The following DCDC1 variants were observed in gnomAD, a reference collection of about 807,000 sequenced individuals.
DCDC1 encodes the protein doublecortin domain containing 1.
DCDC1 carries 200 observed loss-of-function variants against 178.3 expected under a neutral mutation model. That is an observed-to-expected ratio of 1.12 (90% CI 1.00 to 1.26). DCDC1 has a LOEUF of 1.26. Among genes scored for constraint, DCDC1 ranks in the 50% most tolerant of loss-of-function variants. The pLI is 0.00. For missense variants in DCDC1, 1,983 were observed against 1,749.2 expected (o/e 1.13, Z -2.38); for synonymous variants, 690 against 604.8 (o/e 1.14, Z -2.07).
At chr11:31,213,287 T>C (rs1042781460) in intron 9 of DCDC1, among the ~76,000 whole-genome samples, 2 of 151,650 alleles carry the variant, frequency 1.3e-5, no homozygotes, top group Non-Finnish European at 1.5e-5. Context: ...GTCAAAATGA[T>C]CTTTTCAAAT....
At chr11:31,263,019 G>C in intron 8 of DCDC1, 1 of 1,609,168 alleles carries the variant, frequency 6.2e-7, no homozygotes, top group Non-Finnish European at 8.5e-7. Flanking sequence ...CACGAGTCAT[G>C]AATCCGAATG....
chr11:30,873,511 T>G (rs1941831608), intron 38 of DCDC1, among the ~76,000 whole-genome samples: 2 of 152,088 alleles, frequency 1.3e-5, no homozygotes, highest in Non-Finnish European at 2.9e-5. Flanking sequence ...TGGATTTCAT[T>G]GGTCTGGCAA....
chr11:31,346,248 T>C (rs1950804480), intron 1 of DCDC1, among the ~76,000 whole-genome samples: 1 of 151,738 alleles, frequency 6.6e-6, no homozygotes, highest in East Asian at 1.9e-4. Flanking sequence ...GATCACAAGG[T>C]CAGGAGTTCG....
intron 20 of DCDC1, among the ~76,000 whole-genome samples, chr11:30,986,334 C>CTTTTTTT (rs201419551): frequency 7.0e-6 from 1 of 142,738 alleles, no homozygotes. Flanking sequence ...TTTTCTCTCT[C>CTTTTTTT]TCTTTTTTTT....
intron 38 of DCDC1, among the ~76,000 whole-genome samples, chr11:30,876,169 G>C (rs972273511): frequency 1.3e-5 from 2 of 152,148 alleles, no homozygotes; most frequent in Non-Finnish European, 2.9e-5. Context: ...GGTTGCTTTA[G>C]TATTTAATAA....
At chr11:31,079,614 T>A (rs1957062938) in intron 17 of DCDC1, among the ~76,000 whole-genome samples, 1 of 152,106 alleles carries the variant, frequency 6.6e-6, no homozygotes, top group Admixed American at 6.5e-5. Flanking sequence ...TAATGCTAAC[T>A]CCTGGTAGAT....
At chr11:31,188,792 G>A (rs1024513576) in intron 9 of DCDC1, among the ~76,000 whole-genome samples, 8 of 152,130 alleles carry the variant, frequency 5.3e-5, no homozygotes, top group African/African-American at 1.7e-4. Flanking sequence ...ACCATTCAAG[G>A]CAAGATGAGT....
chr11:31,128,846 G>A (rs1288907049), intron 10 of DCDC1, among the ~76,000 whole-genome samples: 1 of 152,114 alleles, frequency 6.6e-6, no homozygotes, highest in Non-Finnish European at 1.5e-5. Flanking sequence ...TGAAATCTAG[G>A]TGTTTTCTGC....
chr11:31,163,053 T>C (rs1966453729), intron 9 of DCDC1, among the ~76,000 whole-genome samples: 1 of 152,160 alleles, frequency 6.6e-6, no homozygotes, highest in Non-Finnish European at 1.5e-5. Context: ...AATGTTCCGA[T>C]GTCTTTACTT....
At chr11:31,001,283 A>T (rs990321989) in intron 20 of DCDC1, among the ~76,000 whole-genome samples, 3 of 152,176 alleles carry the variant, frequency 2.0e-5, no homozygotes, top group Admixed American at 6.5e-5. Flanking sequence ...TATAAACCAT[A>T]TTAAGTGGAT....
At chr11:30,982,795 A>T (rs917083499) in intron 20 of DCDC1, among the ~76,000 whole-genome samples, 49 of 152,150 alleles carry the variant, frequency 3.2e-4, no homozygotes, top group African/African-American at 1.2e-3. Flanking sequence ...ATTCAACACA[A>T]ATGTGATCAT....
At chr11:30,873,364 T>TATATAGAG (rs1228106379) in intron 38 of DCDC1, among the ~76,000 whole-genome samples, 5 of 137,086 alleles carry the variant, frequency 3.6e-5, no homozygotes, top group African/African-American at 1.4e-4. Flanking sequence ...TATATATATA[T>TATATAGAG]AGAGAGAGAG....
intron 9 of DCDC1, among the ~76,000 whole-genome samples, chr11:31,154,566 C>T (rs1401049384): frequency 6.6e-6 from 1 of 152,196 alleles, no homozygotes; most frequent in Non-Finnish European, 1.5e-5. Flanking sequence ...CTCTACATCT[C>T]TCATGTCTAG....
intron 21 of DCDC1, among the ~76,000 whole-genome samples, chr11:30,949,951 C>T (rs1439916957): frequency 6.6e-6 from 1 of 151,988 alleles, no homozygotes; most frequent in Non-Finnish European, 1.5e-5. Context: ...AGTGTATACC[C>T]ATTTAACAAC....
At chr11:30,875,469 C>T (rs985040138) in intron 38 of DCDC1, among the ~76,000 whole-genome samples, 4 of 151,910 alleles carry the variant, frequency 2.6e-5, no homozygotes, top group South Asian at 2.1e-4. Flanking sequence ...ACTAGAATAA[C>T]GCAGATTTGT....
At chr11:31,170,227 C>A (rs1374336649) in intron 9 of DCDC1, among the ~76,000 whole-genome samples, 1 of 152,196 alleles carries the variant, frequency 6.6e-6, no homozygotes, top group African/African-American at 2.4e-5. Flanking sequence ...AGGACAGGTT[C>A]TTCATCACAC....
chr11:30,980,594 G>C (rs546505507), intron 20 of DCDC1, among the ~76,000 whole-genome samples: 4 of 152,240 alleles, frequency 2.6e-5, no homozygotes, highest in Non-Finnish European at 5.9e-5. Flanking sequence ...TGCAGAAATG[G>C]GGGTGGCCCA....
chr11:31,146,601 C>T (rs1964483394), intron 9 of DCDC1, among the ~76,000 whole-genome samples: 1 of 152,194 alleles, frequency 6.6e-6, no homozygotes, highest in Non-Finnish European at 1.5e-5. Context: ...CCCACATTCA[C>T]TTGGCTGCTG....
intron 9 of DCDC1, among the ~76,000 whole-genome samples, chr11:31,226,007 A>G (rs911845050): frequency 2.0e-5 from 3 of 152,138 alleles, no homozygotes; most frequent in Non-Finnish European, 4.4e-5. Flanking sequence ...ATGAAGAGAA[A>G]TAAATATGAA....
Sources: allele counts gnomAD v4.1 joint callset (sites outside exome capture counted in the v4.1 genomes callset), GRCh38; gene constraint gnomAD v4.1.1; transcripts MANE v1.5; gene names NCBI Gene and HGNC (gene_info 2026-07-23, HGNC 2026-07-21).